The following ANK3 variants were observed in gnomAD, a reference collection of about 807,000 sequenced individuals.
ANK3 encodes the protein ankyrin-3.
In ANK3, 57 loss-of-function variants were observed where a neutral mutation model predicts 370.9. The ratio of observed to expected loss-of-function variants is 0.15; its 90% confidence interval spans 0.12 to 0.19. The LOEUF (loss-of-function observed/expected upper bound fraction) is 0.19, where lower values mean the gene tolerates loss of function less well. Ranked by LOEUF, ANK3 falls within the 10% of genes least tolerant of loss-of-function variation. The probability of loss-of-function intolerance (pLI) is 1.00; values close to 1 mark genes in which losing one functional copy is unlikely to be tolerated. For synonymous variants in ANK3, 1,929 were observed against 1,946.3 expected, an observed-to-expected ratio of 0.99 and a Z score of 0.23; for missense variants, 4,439 against 5,302.1, an observed-to-expected ratio of 0.84 and a Z score of 5.06.
intron 2 of ANK3, among the ~76,000 whole-genome samples, chr10:60,577,344 C>T (rs893892426): frequency 3.3e-5 from 5 of 152,080 alleles, no homozygotes; most frequent in Admixed American, 6.6e-5. Flanking sequence ...AAAGCCTCAG[C>T]GTATAATTGT....
rs555444176 is a variant in ANK3, at chr10:60,221,302, C to T, written c.898-7792G>A. On this transcript the variant is annotated intron_variant, in intron 8 of 43. Coordinates refer to ENST00000280772, the MANE Select transcript of ANK3 (RefSeq NM_020987.5). ...ACCATGTTGGCCAGGCTGGTCTCGA[C>T]TTCCTGACCTCAGGTGATCCTCCCA... Among the ~76,000 whole-genome samples, 3 of 152,204 alleles carry T rather than the reference C, an allele frequency of 2.0e-5. No individual in the cohort carries two copies. The South Asian group carries it at 6.2e-4, about 32-fold the overall frequency.
chr10:60,185,377 C>T (rs2096297422), intron 17 of ANK3, among the ~76,000 whole-genome samples: 1 of 152,090 alleles, frequency 6.6e-6, no homozygotes, highest in African/African-American at 2.4e-5. Context: ...TGAATGTTTT[C>T]TCAGTGTATC....
intron 7 of ANK3, among the ~76,000 whole-genome samples, chr10:60,256,931 C>T (rs1592589973): frequency 6.6e-6 from 1 of 152,298 alleles, no homozygotes; most frequent in East Asian, 1.9e-4. Context: ...CTTCAATGAA[C>T]ATGTGAACAC....
At chr10:60,202,294 T>C (rs993286504) in intron 12 of ANK3, among the ~76,000 whole-genome samples, 8 of 151,902 alleles carry the variant, frequency 5.3e-5, no homozygotes, top group Admixed American at 6.6e-5. Flanking sequence ...GCTAATTTTG[T>C]ATTTTTTAGT....
chr10:60,103,447 C>T (rs1306298131), intron 28 of ANK3, among the ~76,000 whole-genome samples: 1 of 150,906 alleles, frequency 6.6e-6, no homozygotes, highest in Non-Finnish European at 1.5e-5. Flanking sequence ...ACAGTTGTCC[C>T]TTCAAGGAAG....
chr10:60,418,677 A>C (rs1241014974), intron 2 of ANK3, among the ~76,000 whole-genome samples: 2 of 152,040 alleles, frequency 1.3e-5, no homozygotes, highest in Admixed American at 1.3e-4. Flanking sequence ...TTAAAGTATA[A>C]ATGTGTCTCC....
At chr10:60,532,457 T>C (rs1306151605) in intron 2 of ANK3, among the ~76,000 whole-genome samples, 1 of 151,684 alleles carries the variant, frequency 6.6e-6, no homozygotes, top group Non-Finnish European at 1.5e-5. Flanking sequence ...TTCTCAAACC[T>C]TTAGAGTCCC....
At chr10:60,119,687 G>A (rs547952836) in intron 25 of ANK3, among the ~76,000 whole-genome samples, 44 of 152,232 alleles carry the variant, frequency 2.9e-4, no homozygotes, top group African/African-American at 8.9e-4. Flanking sequence ...CAGGAGAATC[G>A]CTTGAACCCG....
chr10:60,071,338 A>G lies in ANK3; in HGVS notation c.9543T>C (p.Phe3181=), dbSNP rs139358501. 2.7e-5 allele frequency: 43 copies of G among 1,614,070 alleles called. No individual in the cohort carries two copies. In the East Asian group the frequency reaches 9.4e-4, roughly 35 times the overall value. Reference sequence around the variant, plus strand: ...TGAGCGAGTCAGGTGTCTTAGATGTAAATTCATAACTCACTTCCTCTGAAC... The same window carrying G: ...TGAGCGAGTCAGGTGTCTTAGATGTGAATTCATAACTCACTTCCTCTGAAC... ...TPSSEEVSYE[F]TSKTPDSLIA... is the part of the protein sequence containing the mutation. The change falls in exon 37 of 44, where the codon TTT becomes TTC. Residue 3181 remains phenylalanine (F), a synonymous_variant. Transcript: ENST00000280772.
intron 2 of ANK3, among the ~76,000 whole-genome samples, chr10:60,517,712 T>C (rs1203736749): frequency 6.6e-6 from 1 of 151,998 alleles, no homozygotes; most frequent in Non-Finnish European, 1.5e-5. Flanking sequence ...TTGTAAACTG[T>C]AAAATATAGA....
chr10:60,543,348 C>T (rs1291753859), intron 2 of ANK3, among the ~76,000 whole-genome samples: 1 of 151,946 alleles, frequency 6.6e-6, no homozygotes, highest in African/African-American at 2.4e-5. Flanking sequence ...CAAAGATATA[C>T]ATATAAGATA....
At chr10:60,055,428 A>G (rs2078979370) in intron 42 of ANK3, among the ~76,000 whole-genome samples, 1 of 152,172 alleles carries the variant, frequency 6.6e-6, no homozygotes. Context: ...TTCCTGCACC[A>G]TGAATGAAGG....
rs768036540 is a variant in ANK3 at position 60,196,643 on chromosome 10, T to G, written c.1690-18A>C. ...AATCCTTTCTGAAAAAAAAAAAACA[T>G]AAAAATAATGAACAATAGAAATGAC... On this transcript the variant is annotated intron_variant, in intron 14 of 43. Transcript: ENST00000280772. The G allele has an allele frequency of 3.8e-6, 5 of 1,327,148 alleles. No homozygotes were observed. Among genetic ancestry groups the G allele is most frequent in the Non-Finnish European group, 5.2e-6 (5 of 953,712 alleles). The allele number at this position is 1,327,148 out of a possible 1,614,324, so 82.2% of individuals were successfully genotyped here.
chr10:60,153,760 C>A (rs553041095), intron 23 of ANK3, among the ~76,000 whole-genome samples: 7 of 152,114 alleles, frequency 4.6e-5, no homozygotes, highest in Non-Finnish European at 8.8e-5. Flanking sequence ...GCTGGTAATT[C>A]TTTTAAATTC....
intron 16 of ANK3, among the ~76,000 whole-genome samples, chr10:60,195,875 A>G (rs990543890): frequency 6.6e-6 from 1 of 152,246 alleles, no homozygotes; most frequent in Non-Finnish European, 1.5e-5. Context: ...TATGTTTTTC[A>G]TCTGGCTAAA....
At chr10:60,465,789 CTTTTTTT>C (rs1205787609) in intron 2 of ANK3, among the ~76,000 whole-genome samples, 5 of 109,708 alleles carry the variant, frequency 4.6e-5, no homozygotes, top group African/African-American at 1.0e-4. Flanking sequence ...TTTTTTCTTT[CTTTTTTT>C]TTTTTTTTTT....
At chr10:60,454,179 T>C (rs953806425) in intron 2 of ANK3, among the ~76,000 whole-genome samples, 2 of 152,220 alleles carry the variant, frequency 1.3e-5, no homozygotes, top group African/African-American at 4.8e-5. Flanking sequence ...TTATAGGTGC[T>C]GAACTGTTAT....
intron 1 of ANK3, among the ~76,000 whole-genome samples, chr10:60,674,389 G>A (rs1237828448): frequency 6.6e-6 from 1 of 152,224 alleles, no homozygotes; most frequent in South Asian, 2.1e-4. Context: ...ACTCATGGTG[G>A]AAGGTAAAGG....
chr10:60,060,031 T>A (rs1291003428), intron 40 of ANK3: 1 of 1,513,758 alleles, frequency 6.6e-7, no homozygotes, highest in South Asian at 1.3e-5. Flanking sequence ...ACATTTGGAC[T>A]GACTGGAATG....
Sources: allele counts gnomAD v4.1 joint callset (sites outside exome capture counted in the v4.1 genomes callset), GRCh38; gene constraint gnomAD v4.1.1; transcripts MANE v1.5; gene names NCBI Gene and HGNC (gene_info 2026-07-23, HGNC 2026-07-21).